SDK1: variants seen among roughly 807,000 people sequenced by gnomAD.
The protein encoded by SDK1 is sidekick cell adhesion molecule 1.
SDK1 carries 157 observed loss-of-function variants against 245.5 expected under a neutral mutation model. That is an observed-to-expected ratio of 0.64 (90% CI 0.56 to 0.73). The LOEUF (loss-of-function observed/expected upper bound fraction) is 0.73. Ranked by LOEUF, SDK1 falls within the 30% of genes least tolerant of loss-of-function variation. The probability of loss-of-function intolerance (pLI) is 0.00; values close to 1 mark genes in which losing one functional copy is unlikely to be tolerated. For synonymous variants in SDK1, 1,647 were observed against 1,278.5 expected, an observed-to-expected ratio of 1.29 and a Z score of -6.15; for missense variants, 3,583 against 3,002.3, an observed-to-expected ratio of 1.19 and a Z score of -4.52.
intron 5 of SDK1, among the ~76,000 whole-genome samples, chr7:3,888,403 C>A (rs1280141747): frequency 6.6e-6 from 1 of 152,218 alleles, no homozygotes; most frequent in Non-Finnish European, 1.5e-5. Flanking sequence ...ATGAACCGTA[C>A]CCCGCCTCTG....
At chr7:3,520,196 T>C (rs1297372208) in intron 1 of SDK1, among the ~76,000 whole-genome samples, 1 of 152,172 alleles carries the variant, frequency 6.6e-6, no homozygotes, top group Non-Finnish European at 1.5e-5. Context: ...TCTTTTGGAA[T>C]AGTGATTTGT....
rs577131641 is a variant in SDK1, at chr7:3,632,114, A to G, written c.459-6890A>G. ...ATAAAAGATTTTTATCCCTAAGAAA[A>G]GGCAATGTCCTCTTTCCTGAAGGTT... On this transcript the variant is annotated intron_variant, in intron 2 of 44. Transcript: ENST00000404826. Among the ~76,000 whole-genome samples, 3 of 152,310 alleles carry G rather than the reference A, an allele frequency of 2.0e-5. No homozygotes were observed. The South Asian group carries it at 6.2e-4, about 32-fold the overall frequency.
intron 13 of SDK1, among the ~76,000 whole-genome samples, chr7:3,979,198 C>T (rs758418973): frequency 1.3e-5 from 2 of 152,186 alleles, no homozygotes; most frequent in Non-Finnish European, 2.9e-5. Flanking sequence ...GGCATGGTAT[C>T]ATTCATCTCA....
At chr7:3,816,639 G>A (rs1316304466) in intron 4 of SDK1, among the ~76,000 whole-genome samples, 2 of 151,986 alleles carry the variant, frequency 1.3e-5, no homozygotes, top group African/African-American at 4.8e-5. Context: ...AGGACCAGAT[G>A]GATTCACAGC....
At chr7:3,489,890 C>G (rs757581457) in intron 1 of SDK1, among the ~76,000 whole-genome samples, 2 of 152,128 alleles carry the variant, frequency 1.3e-5, no homozygotes, top group Non-Finnish European at 2.9e-5. Flanking sequence ...TGTAATGTCA[C>G]TAATGAGTCC....
intron 4 of SDK1, among the ~76,000 whole-genome samples, chr7:3,818,705 G>A (rs1583446394): frequency 6.6e-6 from 1 of 152,212 alleles, no homozygotes; most frequent in South Asian, 2.1e-4. Context: ...TCCCCAGACA[G>A]GACAGGCTGC....
At chr7:3,418,147 A>C (rs78049330) in intron 1 of SDK1, among the ~76,000 whole-genome samples, 16 of 50,694 alleles carry the variant, frequency 3.2e-4, no homozygotes, top group African/African-American at 6.5e-4. Context: ...CTAAAAATGA[A>C]AAAAAAAAAA....
chr7:3,828,741 T>C (rs1038986065), intron 5 of SDK1, among the ~76,000 whole-genome samples: 1 of 151,342 alleles, frequency 6.6e-6, no homozygotes, highest in Non-Finnish European at 1.5e-5. Context: ...AGCCTCTAAC[T>C]TCTGGGCTCA....
rs569835923 is a variant in SDK1, at chr7:3,761,644, A to G, written c.714-59806A>G. On this transcript the variant is annotated intron_variant, in intron 4 of 44. Transcript: ENST00000404826. ...AAATAGGAAGAAGCAAAGGCAGAAAACATCTAGGATGCTGGAGCGCAGAGA... is the reference window on the plus strand; with the variant it reads ...AAATAGGAAGAAGCAAAGGCAGAAAGCATCTAGGATGCTGGAGCGCAGAGA... Among the ~76,000 whole-genome samples, 3 of 151,902 alleles carry G rather than the reference A, an allele frequency of 2.0e-5. No individual in the cohort carries two copies. The South Asian group carries it at 6.2e-4, about 32-fold the overall frequency.
intron 1 of SDK1, among the ~76,000 whole-genome samples, chr7:3,441,802 C>T (rs1207861659): frequency 6.6e-6 from 1 of 152,092 alleles, no homozygotes; most frequent in Non-Finnish European, 1.5e-5. Flanking sequence ...CATGTAAAAC[C>T]ATTATCTGCG....
chr7:3,660,006 G>T (rs1392928378), intron 4 of SDK1, among the ~76,000 whole-genome samples: 2 of 152,150 alleles, frequency 1.3e-5, no homozygotes, highest in Non-Finnish European at 2.9e-5. Flanking sequence ...TGAGATGCCC[G>T]TGAAGTATCT....
intron 17 of SDK1, among the ~76,000 whole-genome samples, chr7:4,019,017 G>A (rs906395701): frequency 5.9e-5 from 9 of 152,124 alleles, no homozygotes; most frequent in Non-Finnish European, 1.0e-4. Flanking sequence ...CCAGGGTTGT[G>A]CCTTCCAGCA....
intron 1 of SDK1, among the ~76,000 whole-genome samples, chr7:3,580,038 C>T (rs2128632211): frequency 6.6e-6 from 1 of 152,260 alleles, no homozygotes; most frequent in South Asian, 2.1e-4. Flanking sequence ...CAATCCCATT[C>T]TCAATAGCCA....
chr7:3,950,802 G>C, intron 5 of SDK1, 121 bp from the exon 6 acceptor site: 1 of 683,402 alleles, frequency 1.5e-6, no homozygotes, highest in Admixed American at 2.3e-5. Context: ...TGTCTGTAGG[G>C]ATTGGTACTC....
At chr7:3,716,784 G>T (rs867149318) in intron 4 of SDK1, among the ~76,000 whole-genome samples, 6 of 148,800 alleles carry the variant, frequency 4.0e-5, no homozygotes, top group Non-Finnish European at 8.9e-5. Context: ...AAAAAAAAAA[G>T]AAAAAGGAAA....
At chr7:3,888,612 C>T (rs990003541) in intron 5 of SDK1, among the ~76,000 whole-genome samples, 3 of 152,186 alleles carry the variant, frequency 2.0e-5, no homozygotes, top group African/African-American at 7.2e-5. Context: ...AATATCACCA[C>T]AACAGGAGTG....
rs10232161 is a variant in SDK1 at position 3,867,922 on chromosome 7, T to C, written c.847+46339T>C. On this transcript the variant is annotated intron_variant, in intron 5 of 44. Coordinates refer to ENST00000404826, the MANE Select transcript of SDK1 (RefSeq NM_152744.4). ...TTTTTCATGGAAGAAATAAATATCA[T>C]TTCTGGCAGACCATGACTTATCCTT... Among the ~76,000 whole-genome samples the C allele has an allele frequency of 8.2e-3, 1,256 of 152,286 alleles. 22 individuals carry two copies. The highest frequency in any genetic ancestry group is 0.029 in the African/African-American group (1,185 of 41,532).
At chr7:3,576,316 C>G (rs1328659786) in intron 1 of SDK1, among the ~76,000 whole-genome samples, 2 of 152,146 alleles carry the variant, frequency 1.3e-5, no homozygotes. Flanking sequence ...GTGAAAGCTT[C>G]TGGAGTTACA....
chr7:3,303,360 G>A (rs1779332483), intron 1 of SDK1, among the ~76,000 whole-genome samples: 1 of 152,060 alleles, frequency 6.6e-6, no homozygotes, highest in African/African-American at 2.4e-5. Context: ...CTTGCATTTT[G>A]CACTAAGACC....
Sources: gnomAD v4.1 joint callset for allele counts (sites outside exome capture counted in the v4.1 genomes callset) on GRCh38, gnomAD v4.1.1 for gene constraint, MANE v1.5 for transcripts, NCBI Gene and HGNC (gene_info 2026-07-23, HGNC 2026-07-21) for gene names.